Variants in NFIB observed in about 807,000 individuals in gnomAD.
NFIB encodes nuclear factor 1 B-type.
Under a neutral mutation model 61.5 loss-of-function variants are expected in NFIB, and 11 were observed. That is an observed-to-expected ratio of 0.18 (90% CI 0.11 to 0.30). The LOEUF is 0.30. NFIB is among the 10% of genes least tolerant of loss of function. The pLI is 1.00. For missense variants in NFIB, 471 were observed against 608.9 expected (o/e 0.77, Z 2.38); for synonymous variants, 260 against 216.5 (o/e 1.20, Z -1.76).
intron 2 of NFIB, among the ~76,000 whole-genome samples, chr9:14,193,816 A>G (rs2048206649): frequency 1.3e-5 from 2 of 152,222 alleles, no homozygotes; most frequent in Non-Finnish European, 2.9e-5. Flanking sequence ...GGCAAGTGAC[A>G]TAACGGAAAA....
chr9:14,476,516 G>C, the NFIB span, among the ~76,000 whole-genome samples: 1 of 152,046 alleles, frequency 6.6e-6, no homozygotes, highest in Admixed American at 6.6e-5. Context: ...GTATGTGGTA[G>C]GATATAAAAT....
In NFIB at chr9:14,285,374, G is replaced by T. The variant is rs773470913; in HGVS notation, c.562+21615C>A. Reference sequence around the variant, plus strand: ...CTGACCTCAGGTAATCCCCCACCTCGGCCTCCCAAAGTGCTGGGATTACAG... The same window carrying T: ...CTGACCTCAGGTAATCCCCCACCTCTGCCTCCCAAAGTGCTGGGATTACAG... On this transcript the variant is annotated intron_variant, in intron 2 of 10. Transcript: ENST00000380953. Among the ~76,000 whole-genome samples the T allele has an allele frequency of 2.0e-5, 3 of 152,094 alleles. No individual in the cohort carries two copies. The South Asian group carries it at 6.2e-4, about 32-fold the overall frequency.
chr9:14,156,010 T>C (rs919985797), intron 3 of NFIB, 117 bp from the exon 4 acceptor site: 20 of 521,280 alleles, frequency 3.8e-5, no homozygotes, highest in Non-Finnish European at 5.6e-5. Context: ...CAAATATGCT[T>C]ACAATAAGGA....
chr9:14,162,546 T>C (rs944536535), intron 3 of NFIB, among the ~76,000 whole-genome samples: 24 of 152,248 alleles, frequency 1.6e-4, no homozygotes, highest in African/African-American at 5.5e-4. Flanking sequence ...AATTTTTGTA[T>C]TTTATTTGTC....
chr9:14,181,681 A>T (rs533286537), intron 2 of NFIB, among the ~76,000 whole-genome samples: 1 of 152,332 alleles, frequency 6.6e-6, no homozygotes, highest in South Asian at 2.1e-4. Context: ...ATTACATTCC[A>T]GTTTAATTTC....
chr9:14,251,695 C>A (rs2055649533), intron 2 of NFIB, among the ~76,000 whole-genome samples: 1 of 152,198 alleles, frequency 6.6e-6, no homozygotes, highest in South Asian at 2.1e-4. Flanking sequence ...TGCAGGAGGT[C>A]AGCTAATCCC....
At chr9:14,458,180 G>A in the NFIB span, among the ~76,000 whole-genome samples, 1 of 152,166 alleles carries the variant, frequency 6.6e-6, no homozygotes, top group African/African-American at 2.4e-5. Flanking sequence ...GATCAAGTGG[G>A]CTTCATCCCT....
the NFIB span, among the ~76,000 whole-genome samples, chr9:14,489,537 A>G: frequency 4.9e-4 from 75 of 152,118 alleles, no homozygotes; most frequent in Non-Finnish European, 7.8e-4. Flanking sequence ...TAGGTAATGC[A>G]TGCAAGTGTT....
chr9:14,453,036 A>G, the NFIB span, among the ~76,000 whole-genome samples: 1 of 152,160 alleles, frequency 6.6e-6, no homozygotes, highest in Non-Finnish European at 1.5e-5. Flanking sequence ...AAGAAACCTC[A>G]TGGGTGCATA....
At chr9:14,108,371 A>G (rs2036871544) in intron 10 of NFIB, among the ~76,000 whole-genome samples, 1 of 152,076 alleles carries the variant, frequency 6.6e-6, no homozygotes, top group Non-Finnish European at 1.5e-5. Flanking sequence ...GCCAGGACAA[A>G]TATTATAAGA....
In NFIB at chr9:14,296,475, G is replaced by A. The variant is rs573140950; in HGVS notation, c.562+10514C>T. Reference sequence around the variant, plus strand: ...GTTTGGGTCTTCCCCAAATTCCTACGTTGAAATCCTAACCCCCAATCTGAT... The same window carrying A: ...GTTTGGGTCTTCCCCAAATTCCTACATTGAAATCCTAACCCCCAATCTGAT... On this transcript the variant is annotated intron_variant, in intron 2 of 10. Coordinates refer to ENST00000380953, the MANE Select transcript of NFIB (RefSeq NM_001190737.2). 3.6e-4 allele frequency among the ~76,000 whole-genome samples: 55 copies of A among 152,308 alleles called. No homozygotes were observed. The South Asian group carries it at 7.9e-3, about 22-fold the overall frequency.
intron 1 of NFIB, among the ~76,000 whole-genome samples, chr9:14,323,690 G>C (rs980281548): frequency 3.3e-5 from 5 of 152,126 alleles, no homozygotes; most frequent in African/African-American, 1.2e-4. Flanking sequence ...TACTAAATGT[G>C]AGCACGTCAG....
the NFIB span, among the ~76,000 whole-genome samples, chr9:14,456,647 T>C: frequency 6.6e-6 from 1 of 152,154 alleles, no homozygotes; most frequent in African/African-American, 2.4e-5. Flanking sequence ...CAAATTAAAA[T>C]TAAAGTAAGA....
At chr9:14,484,404 T>C in the NFIB span, among the ~76,000 whole-genome samples, 6 of 152,258 alleles carry the variant, frequency 3.9e-5, no homozygotes, top group Admixed American at 1.3e-4. Flanking sequence ...TATATCCTTG[T>C]ATGCTAACTT....
intron 1 of NFIB, among the ~76,000 whole-genome samples, chr9:14,326,666 A>G (rs1437094136): frequency 7.1e-6 from 1 of 141,654 alleles, no homozygotes; most frequent in African/African-American, 2.6e-5. Flanking sequence ...CACCAACCAG[A>G]GGTTTTCAAG....
chr9:14,329,123 C>T (rs1192399015), intron 1 of NFIB, among the ~76,000 whole-genome samples: 1 of 152,084 alleles, frequency 6.6e-6, no homozygotes, highest in Non-Finnish European at 1.5e-5. Context: ...TTTCTATACC[C>T]CTAAGTGTAC....
At chr9:14,118,945 T>A (rs2038560759) in intron 8 of NFIB, among the ~76,000 whole-genome samples, 1 of 151,968 alleles carries the variant, frequency 6.6e-6, no homozygotes, top group Non-Finnish European at 1.5e-5. Context: ...AAGAAATGTG[T>A]AACACTAAGG....
chr9:14,430,841 C>T, the NFIB span, among the ~76,000 whole-genome samples: 5 of 152,154 alleles, frequency 3.3e-5, no homozygotes, highest in African/African-American at 1.2e-4. Flanking sequence ...CTCGGCCTCC[C>T]AAAGTGCTGG....
intron 2 of NFIB, among the ~76,000 whole-genome samples, chr9:14,196,017 G>A (rs1002824321): frequency 6.6e-6 from 1 of 152,012 alleles, no homozygotes; most frequent in African/African-American, 2.4e-5. Context: ...CACCTGGTAG[G>A]GAACAGCATG....
Sources: gnomAD v4.1 joint callset for allele counts (sites outside exome capture counted in the v4.1 genomes callset) on GRCh38, gnomAD v4.1.1 for gene constraint, MANE v1.5 for transcripts, NCBI Gene and HGNC (gene_info 2026-07-23, HGNC 2026-07-21) for gene names.